Variants in SLC35F4 observed in about 807,000 individuals in gnomAD.
SLC35F4 encodes chromosome 14 open reading frame 36.
A neutral mutation model predicts 44.2 loss-of-function variants in SLC35F4; 24 were observed. The observed-to-expected ratio is 0.54, with a 90% CI of 0.39 to 0.76. The LOEUF is 0.76. SLC35F4 is among the 30% of genes least tolerant of loss of function. The pLI is 0.00. For synonymous variants in SLC35F4, 238 were observed against 223.6 expected, an observed-to-expected ratio of 1.06 and a Z score of -0.57; for missense variants, 562 against 586.1, an observed-to-expected ratio of 0.96 and a Z score of 0.42.
At chr14:57,859,827 CAG>C (rs1314018674) in intron 1 of SLC35F4, among the ~76,000 whole-genome samples, 1 of 152,126 alleles carries the variant, frequency 6.6e-6, no homozygotes, top group African/African-American at 2.4e-5. Context: ...GAGGATAACT[CAG>C]AGTTTCTGGC....
At chr14:57,960,757 A>G (rs1444311089) in intron 1 of SLC35F4, among the ~76,000 whole-genome samples, 1 of 152,216 alleles carries the variant, frequency 6.6e-6, no homozygotes, top group African/African-American at 2.4e-5. Flanking sequence ...AATCCACAGC[A>G]TAAGAAATCA....
intron 1 of SLC35F4, among the ~76,000 whole-genome samples, chr14:57,625,440 G>A (rs1195636399): frequency 6.6e-6 from 1 of 151,988 alleles, no homozygotes; most frequent in East Asian, 1.9e-4. Flanking sequence ...TGAAAGAATT[G>A]GAAAAAACTA....
chr14:57,631,395 T>C (rs1183240276), intron 1 of SLC35F4, among the ~76,000 whole-genome samples: 1 of 152,110 alleles, frequency 6.6e-6, no homozygotes, highest in East Asian at 1.9e-4. Flanking sequence ...ATAATGTTCT[T>C]ATATAGTTAT....
chr14:57,725,537 G>C (rs560071011), intron 1 of SLC35F4, among the ~76,000 whole-genome samples: 1 of 152,074 alleles, frequency 6.6e-6, no homozygotes. Context: ...TGCCTTATCT[G>C]CCATTATGGT....
At chr14:57,618,628 A>C (rs2071996967) in intron 1 of SLC35F4, among the ~76,000 whole-genome samples, 1 of 152,188 alleles carries the variant, frequency 6.6e-6, no homozygotes. Context: ...GGCAGACACC[A>C]AGTTAGCTGC....
rs535747818 is a variant in SLC35F4 at position 57,672,877 on chromosome 14, G to T, written c.104-78753C>A. On this transcript the variant is annotated intron_variant, in intron 1 of 7. Coordinates refer to ENST00000556826, the MANE Select transcript of SLC35F4 (RefSeq NM_001306087.2). ...AATCCTTTCATGTGAAACAGAGTAG[G>T]TTTTTTGTTTTTTTATTTGTTTGTT... Among the ~76,000 whole-genome samples the T allele has an allele frequency of 1.7e-3, 263 of 151,782 alleles. 1 individual carries two copies. Among genetic ancestry groups the T allele is most frequent in the Admixed American group, 3.7e-3 (57 of 15,240 alleles).
chr14:57,755,938 A>G (rs1450994403), intron 1 of SLC35F4, among the ~76,000 whole-genome samples: 1 of 152,180 alleles, frequency 6.6e-6, no homozygotes, highest in Non-Finnish European at 1.5e-5. Flanking sequence ...CACGCCATTC[A>G]TACCTGTTCA....
chr14:57,679,885 G>T lies in SLC35F4; in HGVS notation c.104-85761C>A, dbSNP rs148661654. ...TCTGAAATTGAGGCAGAAATTAATAGCCTACCAACCAAAAAAAGCCCAGGA... is the reference window on the plus strand; with the variant it reads ...TCTGAAATTGAGGCAGAAATTAATATCCTACCAACCAAAAAAAGCCCAGGA... On this transcript the variant is annotated intron_variant, in intron 1 of 7. Transcript: ENST00000556826. Among the ~76,000 whole-genome samples, 649 of 152,062 alleles carry T rather than the reference G, an allele frequency of 4.3e-3. 5 individuals carry two copies. The highest frequency in any genetic ancestry group is 0.027 in the Middle Eastern group (8 of 294).
chr14:57,885,309 T>C lies in SLC35F4; in HGVS notation n.282+96604A>G, dbSNP rs141412308. 3.9e-5 allele frequency among the ~76,000 whole-genome samples: 6 copies of C among 152,292 alleles called. No homozygotes were observed. In the East Asian group the frequency reaches 1.2e-3, roughly 29 times the overall value. The stretch of plus-strand genomic sequence containing the variant: ...AGAGGAATGCAGGTAATGAAAGGGC[T>C]CACTCATGGAGCTGTTGCAAGGTAT... On this transcript the variant is annotated intron_variant and non_coding_transcript_variant, in intron 1 of 1. Transcript: ENST00000556568.
intron 1 of SLC35F4, among the ~76,000 whole-genome samples, chr14:57,916,472 A>G (rs1181449433): frequency 6.6e-6 from 1 of 152,138 alleles, no homozygotes; most frequent in Admixed American, 6.5e-5. Flanking sequence ...TTTGGTATCT[A>G]TCCTGCCTGG....
chr14:57,712,605 C>A (rs940789129), intron 1 of SLC35F4, among the ~76,000 whole-genome samples: 1 of 152,188 alleles, frequency 6.6e-6, no homozygotes, highest in Non-Finnish European at 1.5e-5. Context: ...CTCCTTCTAA[C>A]CCTGGGGGGA....
At chr14:57,908,609 C>A (rs1220778430) in intron 1 of SLC35F4, among the ~76,000 whole-genome samples, 2 of 152,042 alleles carry the variant, frequency 1.3e-5, no homozygotes, top group Non-Finnish European at 2.9e-5. Flanking sequence ...CTGTTCATAT[C>A]CTTTGCCCAC....
At chr14:57,697,771 A>T (rs1352272319) in intron 1 of SLC35F4, among the ~76,000 whole-genome samples, 2 of 152,170 alleles carry the variant, frequency 1.3e-5, no homozygotes, top group East Asian at 3.8e-4. Flanking sequence ...AGAATAAGTT[A>T]ACAGTCTGAC....
chr14:57,576,625 G>A (rs918456962), intron 4 of SLC35F4, among the ~76,000 whole-genome samples: 5 of 151,324 alleles, frequency 3.3e-5, no homozygotes, highest in Non-Finnish European at 5.9e-5. Context: ...CTGAACAAGT[G>A]CTGAAATGTG....
At chr14:57,976,760 T>C (rs966394515) in exon 2 of SLC35F4, 1 of 152,234 alleles carries the variant, frequency 6.6e-6, no homozygotes, top group African/African-American at 2.4e-5. Context: ...GTCTAGCAAG[T>C]ACATACTTCT....
chr14:57,749,364 A>T (rs1054248552), intron 1 of SLC35F4, among the ~76,000 whole-genome samples: 1 of 152,184 alleles, frequency 6.6e-6, no homozygotes, highest in African/African-American at 2.4e-5. Flanking sequence ...TAGCAATTTG[A>T]CATTAATGTG....
intron 1 of SLC35F4, among the ~76,000 whole-genome samples, chr14:57,732,768 A>C (rs532618512): frequency 2.0e-5 from 3 of 152,318 alleles, no homozygotes; most frequent in Non-Finnish European, 4.4e-5. Flanking sequence ...TCTATCCACA[A>C]AAAGAGTCAT....
At chr14:57,596,745 T>C (rs199943649) in intron 1 of SLC35F4, 3 of 1,338,778 alleles carry the variant, frequency 2.2e-6, no homozygotes, top group East Asian at 4.6e-5. Context: ...GCCACACCAG[T>C]GATTTATCTT....
chr14:57,830,927 A>G (rs1261644500), intron 1 of SLC35F4, among the ~76,000 whole-genome samples: 1 of 152,214 alleles, frequency 6.6e-6, no homozygotes, highest in Non-Finnish European at 1.5e-5. Context: ...CAAGTTCAAC[A>G]GCACTTGTAT....
Sources: gnomAD v4.1 joint callset for allele counts (sites outside exome capture counted in the v4.1 genomes callset) on GRCh38, gnomAD v4.1.1 for gene constraint, MANE v1.5 for transcripts, NCBI Gene and HGNC (gene_info 2026-07-23, HGNC 2026-07-21) for gene names.